The following CPLANE1 variants were observed in gnomAD, a reference collection of about 807,000 sequenced individuals.
CPLANE1 encodes the protein ciliogenesis and planar polarity effector complex subunit 1.
A neutral mutation model predicts 362.5 loss-of-function variants in CPLANE1; 263 were observed. The ratio of observed to expected loss-of-function variants is 0.73; its 90% CI spans 0.66 to 0.80. The LOEUF (loss-of-function observed/expected upper bound fraction) is 0.80, where lower values mean the gene tolerates loss of function less well. Among genes scored for constraint, CPLANE1 ranks in the 30% least tolerant of loss-of-function variants. The probability of loss-of-function intolerance (pLI) is 0.00; values close to 1 mark genes in which losing one functional copy is unlikely to be tolerated. For synonymous variants in CPLANE1, 1,212 were observed against 1,302.6 expected (o/e 0.93, Z 1.50); for missense variants, 3,461 against 3,793.4 (o/e 0.91, Z 2.30).
At position 37,170,307 on chromosome 5, in the gene CPLANE1, G is replaced by C; in HGVS notation, c.6196C>G (p.Leu2066Val). 6.2e-7 allele frequency: 1 copy of C among 1,613,140 alleles called. No homozygotes were observed. Among genetic ancestry groups the C allele is most frequent in the Non-Finnish European group, 8.5e-7 (1 of 1,179,288 alleles). Residue 2066 changes from leucine to valine, a missense_variant, in exon 33 of 53, where the codon CTA (leucine) becomes GTA (valine). Leu to Val is a conservative substitution (Grantham distance 32). Coordinates refer to ENST00000651892, the MANE Select transcript of CPLANE1 (RefSeq NM_001384732.1). ...VQLQQINFMS[L>V]MQIVGSSFAN... ...AAGGATGATCCTACTATTTGCATTA[G>C]GCTCATGAAGTTGATCTGTTGCAGC... is the stretch of plus-strand genomic sequence containing the variant.
At chr5:37,174,450 T>C (rs1780609318) in intron 31 of CPLANE1, among the ~76,000 whole-genome samples, 2 of 152,180 alleles carry the variant, frequency 1.3e-5, no homozygotes, top group African/African-American at 2.4e-5. Context: ...TGTGAAACAA[T>C]AGTACTGTGA....
chr5:37,076,275 A>G, the CPLANE1 span, among the ~76,000 whole-genome samples: 2 of 151,878 alleles, frequency 1.3e-5, no homozygotes, highest in East Asian at 3.9e-4. Context: ...AAAGAAAAGA[A>G]AAGAGAAAAT....
intron 16 of CPLANE1, chr5:37,210,444 T>C (rs1412678888): frequency 9.6e-7 from 1 of 1,044,264 alleles, no homozygotes; most frequent in Admixed American, 1.9e-5. Flanking sequence ...AAAGGACGAC[T>C]ACATCATTAG....
Position 37,245,817 on chromosome 5 carries a change from T to C in CPLANE1, c.110A>G (p.Asp37Gly). 1 of 1,524,846 alleles carries C rather than the reference T, an allele frequency of 6.6e-7. No homozygotes were observed. Among genetic ancestry groups the C allele is most frequent in the Non-Finnish European group, 8.8e-7 (1 of 1,138,204 alleles). The allele number at this position is 1,524,846 out of a possible 1,614,324, so 94.5% of individuals were successfully genotyped here. Reference protein sequence around the residue: ...KEKEAVFLLDDKFINEINLLS... With the variant: ...KEKEAVFLLDGKFINEINLLS... ...CAAATTAATTTCATTTATGAATTTATCATCCAAAAGAAAAACGGCTTCTTT... is the reference window on the plus strand; with the variant it reads ...CAAATTAATTTCATTTATGAATTTACCATCCAAAAGAAAAACGGCTTCTTT... The change falls in exon 3 of 53, where the codon GAT (aspartate) becomes GGT (glycine). Residue 37 changes from aspartate to glycine, a missense_variant. Coordinates refer to ENST00000651892, the MANE Select transcript of CPLANE1 (RefSeq NM_001384732.1).
downstream of CPLANE1, among the ~76,000 whole-genome samples, chr5:37,105,127 T>C (rs1757495601): frequency 2.0e-5 from 3 of 151,826 alleles, no homozygotes; most frequent in South Asian, 2.1e-4. Flanking sequence ...CATGAAACAC[T>C]GTCTCTATGA....
intron 47 of CPLANE1, 36 bp from the exon 48 acceptor site, chr5:37,122,524 C>T: frequency 6.7e-7 from 1 of 1,501,328 alleles, no homozygotes; most frequent in South Asian, 1.2e-5. Context: ...CATTATTGTT[C>T]AATCCAAATA....
intron 47 of CPLANE1, chr5:37,124,758 T>C (rs1763692310): frequency 2.9e-6 from 1 of 344,894 alleles, no homozygotes; most frequent in Non-Finnish European, 4.1e-6. Flanking sequence ...TCTCATGATA[T>C]TGCCCAGGAT....
the CPLANE1 span, among the ~76,000 whole-genome samples, chr5:37,095,321 A>T: frequency 6.6e-6 from 1 of 152,234 alleles, no homozygotes; most frequent in African/African-American, 2.4e-5. Flanking sequence ...ATACAGAATT[A>T]AAAACAAAAA....
the CPLANE1 span, among the ~76,000 whole-genome samples, chr5:37,090,250 T>G: frequency 7.9e-5 from 12 of 152,224 alleles, no homozygotes; most frequent in Admixed American, 6.5e-4. Context: ...AATTGTTTTA[T>G]CTTTCTCACC....
chr5:37,247,954 C>G lies in CPLANE1; in HGVS notation c.-47-209G>C, dbSNP rs558769258. Among the ~76,000 whole-genome samples the G allele has an allele frequency of 9.8e-4, 148 of 151,512 alleles. 1 individual carries two copies. Among genetic ancestry groups the G allele is most frequent in the African/African-American group, 3.2e-3 (131 of 41,312 alleles). On this transcript the variant is annotated intron_variant, in intron 1 of 52. Transcript: ENST00000651892. ...CTGGGACTACAAGCGTGTGCCACCA[C>G]GCCTGGCTAATTTTAAGTAGAGATG...
intron 38 of CPLANE1, among the ~76,000 whole-genome samples, chr5:37,160,963 G>A (rs532266745): frequency 2.0e-5 from 3 of 152,068 alleles, no homozygotes; most frequent in Non-Finnish European, 2.9e-5. Flanking sequence ...GAGCCACCGC[G>A]CCCAGCCTAT....
chr5:37,139,755 G>A (rs1011281494), intron 44 of CPLANE1: 10 of 595,122 alleles, frequency 1.7e-5, no homozygotes, highest in Non-Finnish European at 2.1e-5. Flanking sequence ...TTGCTATGTT[G>A]CCCAGGTTGG....
In CPLANE1 at chr5:37,157,308, T is replaced by C. The variant is rs1029521183; in HGVS notation, c.8119+5A>G. 2 of 1,355,898 alleles carry C rather than the reference T, an allele frequency of 1.5e-6. No homozygotes were observed. Among genetic ancestry groups the C allele is most frequent in the African/African-American group, 2.9e-5 (2 of 68,266 alleles). 84.0% of individuals were successfully genotyped at this position (1,355,898 alleles called of 1,614,324 possible). On this transcript the variant is annotated splice_donor_5th_base_variant and intron_variant, in intron 41 of 52. Coordinates refer to ENST00000651892, the MANE Select transcript of CPLANE1 (RefSeq NM_001384732.1). ...AGGGTCATGCTATACCTCTTGGCTG[T>C]TTACCTTTGTTCTGCTGTATGTCTG...
At position 37,106,653 on chromosome 5, in the gene CPLANE1, G is replaced by T; in HGVS notation, c.*949C>A. On this transcript the variant is annotated 3_prime_UTR_variant, in exon 53 of 53. Coordinates refer to ENST00000651892, the MANE Select transcript of CPLANE1 (RefSeq NM_001384732.1). Reference sequence around the variant, plus strand: ...GTTCTACAAATCTCTTTAATGTTTAGCTTGATAGAAGGCAGCTGAATTACC... The same window carrying T: ...GTTCTACAAATCTCTTTAATGTTTATCTTGATAGAAGGCAGCTGAATTACC... 2 of 343,240 alleles carry T rather than the reference G, an allele frequency of 5.8e-6. No individual in the cohort carries two copies. Among genetic ancestry groups the T allele is most frequent in the Non-Finnish European group, 8.2e-6 (2 of 243,290 alleles). The allele number at this position is 343,240 out of a possible 1,614,324, so 21.3% of individuals were successfully genotyped here.
chr5:37,245,872 C>T, intron 2 of CPLANE1, 27 bp from the exon 3 acceptor site: 1 of 1,457,608 alleles, frequency 6.9e-7, no homozygotes, highest in Non-Finnish European at 9.0e-7. Context: ...GTGAAGGACT[C>T]AAGAGGTGCC....
chr5:37,185,341 G>GA lies in CPLANE1; in HGVS notation c.4190-263dup, dbSNP rs199754862. Reference sequence around the variant, plus strand: ...CCTCATGAAGAAAAAGTATGCCCTGGAAAAAAAAAACTTTAAGTGATTTAA... The same window carrying GA: ...CCTCATGAAGAAAAAGTATGCCCTGGAAAAAAAAAAACTTTAAGTGATTTAA... On this transcript the variant is annotated intron_variant, in intron 24 of 52. Coordinates refer to ENST00000651892, the MANE Select transcript of CPLANE1 (RefSeq NM_001384732.1). Among the ~76,000 whole-genome samples, 210 of 145,296 alleles carry GA rather than the reference G, an allele frequency of 1.4e-3. 2 individuals carry two copies. In the East Asian group the frequency reaches 0.023, roughly 16 times the overall value.
At position 37,209,811 on chromosome 5, in the gene CPLANE1, TATC is replaced by T; in HGVS notation, c.2921-3389_2921-3387del. ...GCATTTTTTAAAAGGATTGGCAGAATATCATCAAGCTAAAGAAAGTTGTAATAT... is the reference window on the plus strand; with the variant it reads ...GCATTTTTTAAAAGGATTGGCAGAATATCAAGCTAAAGAAAGTTGTAATAT... On this transcript the variant is annotated intron_variant, in intron 16 of 52. Coordinates refer to ENST00000651892, the MANE Select transcript of CPLANE1 (RefSeq NM_001384732.1). This position sits in a 1 kb window ranked among gnomAD's most constrained non-coding sequence, Gnocchi z 4.6. The T allele has an allele frequency of 7.5e-7, 1 of 1,337,502 alleles. No individual in the cohort carries two copies. The highest frequency in any genetic ancestry group is 1.1e-6 in the Non-Finnish European group (1 of 930,338). The allele number at this position is 1,337,502 out of a possible 1,614,324, so 82.9% of individuals were successfully genotyped here. A position where few individuals can be genotyped will look rare whatever the true frequency, so the allele number is the denominator to read the frequency against.
chr5:37,077,431 C>T, the CPLANE1 span, among the ~76,000 whole-genome samples: 1 of 152,094 alleles, frequency 6.6e-6, no homozygotes, highest in African/African-American at 2.4e-5. Context: ...CTTCTGTCTT[C>T]TGAAAATTTG....
chr5:37,154,748 C>T (rs1774574072), intron 41 of CPLANE1, among the ~76,000 whole-genome samples: 1 of 152,152 alleles, frequency 6.6e-6, no homozygotes, highest in African/African-American at 2.4e-5. Context: ...ACTCACTCTT[C>T]CCACTTTCTC....
Sources: allele counts gnomAD v4.1 joint callset (sites outside exome capture counted in the v4.1 genomes callset), GRCh38; gene constraint gnomAD v4.1.1; non-coding constraint Gnocchi (gnomAD v3.1); transcripts MANE v1.5; gene names NCBI Gene and HGNC (gene_info 2026-07-23, HGNC 2026-07-21).